The following VWF variants were observed in gnomAD, a reference collection of about 807,000 sequenced individuals.
The protein encoded by VWF is Factor VIII related antigen.
A neutral mutation model predicts 308.6 loss-of-function variants in VWF; 176 were observed. The ratio of observed to expected loss-of-function variants is 0.57; its 90% CI spans 0.50 to 0.65. The LOEUF (loss-of-function observed/expected upper bound fraction) is 0.65. Ranked by LOEUF, VWF falls within the 30% of genes least tolerant of loss-of-function variation. VWF has a pLI of 0.00. For missense variants in VWF, 3,146 were observed against 3,648.2 expected (o/e 0.86, Z 3.55); for synonymous variants, 1,385 against 1,443.4 (o/e 0.96, Z 0.92).
At chr12:6,050,223 G>C (rs888538388) in intron 16 of VWF, among the ~76,000 whole-genome samples, 1 of 152,124 alleles carries the variant, frequency 6.6e-6, no homozygotes, top group Non-Finnish European at 1.5e-5. Flanking sequence ...CAGAACTCCA[G>C]GGCCATCTGC....
In VWF at chr12:5,993,736, C is replaced by T. The variant is rs216900; in HGVS notation, c.6598+126G>A. 62,700 of 806,516 alleles carry T rather than the reference C, an allele frequency of 0.078. 2,964 individuals carry two copies. Among genetic ancestry groups the T allele is most frequent in the Non-Finnish European group, 0.092 (45,180 of 490,904 alleles). 50.0% of individuals were successfully genotyped at this position (806,516 alleles called of 1,614,324 possible). ...CATCTTATTTGATCCTAACTGGAAT[C>T]CCAGGTCATACGAAATACAGGGATT... On this transcript the variant is annotated intron_variant, in intron 37 of 51. Coordinates refer to ENST00000261405, the MANE Select transcript of VWF (RefSeq NM_000552.5).
intron 3 of VWF, among the ~76,000 whole-genome samples, chr12:6,117,080 G>A (rs1945375723): frequency 6.6e-6 from 1 of 152,008 alleles, no homozygotes; most frequent in African/African-American, 2.4e-5. Flanking sequence ...AGGCAAAGCA[G>A]CCACCCATTC....
intron 41 of VWF, 73 bp downstream of exon 41, chr12:5,983,077 C>T (rs1036637660): frequency 1.4e-6 from 2 of 1,435,106 alleles, no homozygotes. Flanking sequence ...GGAAGAGGTC[C>T]CTGAGGAGGA....
At chr12:6,018,315 A>T in intron 28 of VWF, 50 bp downstream of exon 28, 1 of 1,577,660 alleles carries the variant, frequency 6.3e-7, no homozygotes, top group Non-Finnish European at 8.6e-7. Flanking sequence ...CACCAAGGCC[A>T]TGCCAGCCCT....
In VWF at chr12:6,056,933, G is replaced by C. The variant is rs61754017; in HGVS notation, c.1869C>G (p.Cys623Trp). ...CSCSDGRECLCGALASYAAAC... is the reference protein window; with the variant it reads ...CSCSDGRECLWGALASYAAAC... ...CCGCGGCATAGCTGGCCAGGGCGCC[G>C]CACAGGCACTCGCGGCCGTCCGAGC... Residue 623 changes from cysteine to tryptophan, a missense_variant, in exon 15 of 52, where the codon TGC (cysteine) becomes TGG (tryptophan). Cys to Trp is a radical substitution (Grantham distance 215). Transcript: ENST00000261405. 4.6e-6 allele frequency: 7 copies of C among 1,535,236 alleles called. No homozygotes were observed. Among genetic ancestry groups the C allele is most frequent in the Non-Finnish European group, 6.1e-6 (7 of 1,146,160 alleles).
At chr12:6,004,717 T>G (rs200647344) in intron 34 of VWF, among the ~76,000 whole-genome samples, 1 of 149,212 alleles carries the variant, frequency 6.7e-6, no homozygotes. Context: ...ATATATAGGT[T>G]ATATATAGAT....
At chr12:6,050,907 A>G (rs1215711597) in intron 16 of VWF, among the ~76,000 whole-genome samples, 1 of 151,578 alleles carries the variant, frequency 6.6e-6, no homozygotes. Context: ...GCGAGCCGAG[A>G]TTGTGCCACT....
In VWF at chr12:6,121,338, C is replaced by T. The variant is rs267603621; in HGVS notation, c.56G>A (p.Gly19Glu). ...GCGAGTTCCTTCTGCACAAAGGGTC[C>T]CTGGAGGGAGAGGCCACAGGTTGGG... Reference protein sequence around the residue: ...VLLALALILPGTLCAEGTRGR... With the variant: ...VLLALALILPETLCAEGTRGR... The change falls in exon 3 of 52, where the codon GGG (glycine) becomes GAG (glutamate). Residue 19 changes from glycine to glutamate, a missense_variant and splice_region_variant. Physicochemically the swap from Gly to Glu is moderately conservative, Grantham distance 98 (BLOSUM62 -2). Transcript: ENST00000261405. 1.9e-6 allele frequency: 3 copies of T among 1,613,884 alleles called. No homozygotes were observed. The highest frequency in any genetic ancestry group is 3.3e-5 in the Admixed American group (2 of 59,970).
chr12:6,080,167 A>G (rs1197478016), intron 6 of VWF, among the ~76,000 whole-genome samples: 2 of 152,148 alleles, frequency 1.3e-5, no homozygotes, highest in African/African-American at 4.8e-5. Flanking sequence ...TCTTGTACTG[A>G]AATGGTCCAT....
At chr12:5,963,252 GAA>G (rs1943339524) in intron 47 of VWF, among the ~76,000 whole-genome samples, 1 of 152,004 alleles carries the variant, frequency 6.6e-6, no homozygotes, top group Non-Finnish European at 1.5e-5. Flanking sequence ...CCAAAATACA[GAA>G]AAAAACTCAT....
rs555226802 is a variant in VWF, at chr12:6,084,313, C to T, written c.658-8762G>A. On this transcript the variant is annotated intron_variant, in intron 6 of 51. Transcript: ENST00000261405. ...CAGCTAATTTGCACACTTCCAGCATCTCCCTGGCTCCAAGGCCCTGCATCA... is the reference window on the plus strand; with the variant it reads ...CAGCTAATTTGCACACTTCCAGCATTTCCCTGGCTCCAAGGCCCTGCATCA... Among the ~76,000 whole-genome samples, 9 of 152,358 alleles carry T rather than the reference C, an allele frequency of 5.9e-5. No homozygotes were observed. The East Asian group carries it at 1.7e-3, about 29-fold the overall frequency.
chr12:5,951,848 G>A lies in VWF; in HGVS notation c.8151C>T (p.Asp2717=), dbSNP rs753482100. ...KIMKIPGTCC[D]TCEEPECNDI... ...AGATATTAGTAACGCACTCACATGT[G>A]TCACAGCAGGTGCCTGGAATTTTCA... The change falls in exon 50 of 52, where the codon GAC becomes GAT. Residue 2717 remains aspartate, a synonymous_variant. Transcript: ENST00000261405. The A allele has an allele frequency of 4.3e-6, 7 of 1,614,202 alleles. No individual in the cohort carries two copies. The highest frequency in any genetic ancestry group is 1.3e-5 in the African/African-American group (1 of 75,048).
intron 42 of VWF, among the ~76,000 whole-genome samples, chr12:5,980,187 G>C (rs1270762784): frequency 6.1e-5 from 7 of 115,212 alleles, no homozygotes; most frequent in African/African-American, 2.0e-4. Context: ...GGGAGGGAGG[G>C]AAGGAAGGAA....
At chr12:6,022,945 C>T (rs1413639499) in intron 25 of VWF, 47 bp from the exon 26 acceptor site, 1 of 355,582 alleles carries the variant, frequency 2.8e-6, no homozygotes, top group South Asian at 2.2e-5. Flanking sequence ...GCAAAGCCTC[C>T]AGGACTGCAG....
intron 18 of VWF, among the ~76,000 whole-genome samples, chr12:6,038,422 C>T (rs1424371748): frequency 2.0e-5 from 3 of 152,204 alleles, no homozygotes; most frequent in Non-Finnish European, 4.4e-5. Context: ...CACATGTTGC[C>T]CCTCACCCTT....
chr12:6,056,817 G>T (rs1267880681), intron 15 of VWF, 40 bp downstream of exon 15: 10 of 1,342,970 alleles, frequency 7.4e-6, no homozygotes, highest in Non-Finnish European at 8.5e-6. Context: ...GACGGATTTG[G>T]GGGGCGGCCC....
intron 47 of VWF, among the ~76,000 whole-genome samples, chr12:5,964,978 T>C (rs762028149): frequency 6.6e-6 from 1 of 152,166 alleles, no homozygotes; most frequent in Non-Finnish European, 1.5e-5. Flanking sequence ...CTCTGCAGCA[T>C]GTCTCCTACC....
intron 48 of VWF, among the ~76,000 whole-genome samples, chr12:5,952,954 C>T (rs1943210051): frequency 6.6e-6 from 1 of 152,174 alleles, no homozygotes; most frequent in Non-Finnish European, 1.5e-5. Context: ...CCAGGCCAGG[C>T]ACGGTGGCTC....
intron 34 of VWF, among the ~76,000 whole-genome samples, chr12:5,999,048 C>T (rs959119653): frequency 2.0e-5 from 3 of 152,046 alleles, no homozygotes; most frequent in Non-Finnish European, 4.4e-5. Flanking sequence ...TTAAAATAGC[C>T]GTAAATAAAG....
Sources: gnomAD v4.1 joint callset for allele counts (sites outside exome capture counted in the v4.1 genomes callset) on GRCh38, gnomAD v4.1.1 for gene constraint, MANE v1.5 for transcripts, NCBI Gene and HGNC (gene_info 2026-07-23, HGNC 2026-07-21) for gene names.